ANKRD28: variants seen among roughly 807,000 people sequenced by gnomAD.
The protein encoded by ANKRD28 is serine/threonine-protein phosphatase 6 regulatory ankyrin repeat subunit A.
Under a neutral mutation model 126.5 loss-of-function variants are expected in ANKRD28, and 44 were observed. The observed-to-expected ratio is 0.35, with a 90% CI of 0.27 to 0.45. The LOEUF (loss-of-function observed/expected upper bound fraction) is 0.45, where lower values mean the gene tolerates loss of function less well. ANKRD28 is among the 20% of genes least tolerant of loss of function. The pLI, the probability that ANKRD28 is intolerant of heterozygous loss-of-function variation, is 1.00. For synonymous variants in ANKRD28, 442 were observed against 468.5 expected (o/e 0.94, Z 0.73); for missense variants, 1,110 against 1,316.6 (o/e 0.84, Z 2.43).
At chr3:15,791,107 C>T (rs938941335) in intron 2 of ANKRD28, among the ~76,000 whole-genome samples, 1 of 151,880 alleles carries the variant, frequency 6.6e-6, no homozygotes, top group Non-Finnish European at 1.5e-5. Context: ...CAATAAAACA[C>T]GAATGAAGAA....
chr3:15,832,043 C>T (rs1198733588), intron 1 of ANKRD28, among the ~76,000 whole-genome samples: 1 of 152,102 alleles, frequency 6.6e-6, no homozygotes, highest in Non-Finnish European at 1.5e-5. Context: ...ATTGAGTGTC[C>T]ACTATATGCC....
At chr3:15,761,574 A>T (rs1163032761) in intron 3 of ANKRD28, among the ~76,000 whole-genome samples, 6 of 152,208 alleles carry the variant, frequency 3.9e-5, no homozygotes, top group Non-Finnish European at 5.9e-5. Context: ...GAGCATCTAT[A>T]CAGAACCTTA....
At chr3:15,773,979 C>A (rs2059142338) in intron 2 of ANKRD28, among the ~76,000 whole-genome samples, 1 of 152,058 alleles carries the variant, frequency 6.6e-6, no homozygotes, top group Non-Finnish European at 1.5e-5. Flanking sequence ...GCAGACATGA[C>A]CAGAGCAGAG....
At chr3:15,855,351 C>A (rs548468171) in intron 1 of ANKRD28, among the ~76,000 whole-genome samples, 33 of 150,798 alleles carry the variant, frequency 2.2e-4, no homozygotes, top group Non-Finnish European at 3.4e-4. Flanking sequence ...CAAAACAAAA[C>A]AAAAAAAAAC....
intron 21 of ANKRD28, among the ~76,000 whole-genome samples, chr3:15,681,044 T>C (rs2067487673): frequency 6.6e-6 from 1 of 152,278 alleles, no homozygotes; most frequent in East Asian, 1.9e-4. Context: ...AGGAGAAGTA[T>C]CCAGCCTTGG....
chr3:15,757,141 T>A (rs182991903), intron 3 of ANKRD28, among the ~76,000 whole-genome samples: 2 of 152,356 alleles, frequency 1.3e-5, no homozygotes, highest in African/African-American at 2.4e-5. Context: ...AGTATTTTCA[T>A]TTTATTGCTT....
chr3:15,713,626 C>G lies in ANKRD28; in HGVS notation c.1091G>C (p.Cys364Ser). ...AGGGGTATTTCCATTCTTATCCTCA[C>G]AGTCGATTACAGCTCCTGCAATATA... ...TIIQSGAVID[C>S]EDKNGNTPLH... Residue 364 changes from cysteine to serine, a missense_variant, in exon 10 of 28, where the codon TGT (cysteine) becomes TCT (serine). Coordinates refer to ENST00000683139, the MANE Select transcript of ANKRD28 (RefSeq NM_001349278.2). 6.2e-7 allele frequency: 1 copy of G among 1,605,270 alleles called. No individual in the cohort carries two copies. Among genetic ancestry groups the G allele is most frequent in the African/African-American group, 1.3e-5 (1 of 74,550 alleles).
intron 1 of ANKRD28, among the ~76,000 whole-genome samples, chr3:15,804,601 C>G (rs545726247): frequency 1.4e-5 from 2 of 145,240 alleles, no homozygotes; most frequent in East Asian, 6.0e-4. Context: ...CAATGGCTCA[C>G]GGTGTCCAGG....
At chr3:15,672,857 C>T (rs1217191591) in intron 27 of ANKRD28, among the ~76,000 whole-genome samples, 1 of 152,210 alleles carries the variant, frequency 6.6e-6, no homozygotes, top group East Asian at 1.9e-4. Flanking sequence ...CTCACTGCAA[C>T]TTCTGCCTCC....
At position 15,855,351 on chromosome 3, in the gene ANKRD28, C is replaced by CA. The variant is rs199862683; in HGVS notation, c.27+4025dup. On this transcript the variant is annotated intron_variant, in intron 1 of 27. Transcript: ENST00000399451. ...CCCTGTTTAAAAAAACAAAACAAAA[C>CA]AAAAAAAAACCCAACACCTTAAACA... 1.5e-3 allele frequency among the ~76,000 whole-genome samples: 231 copies of CA among 150,796 alleles called. 1 individual carries two copies. Among genetic ancestry groups the CA allele is most frequent in the African/African-American group, 4.9e-3 (201 of 41,180 alleles).
At chr3:15,735,610 G>T in intron 5 of ANKRD28, 113 bp from the exon 6 acceptor site, 1 of 756,372 alleles carries the variant, frequency 1.3e-6, no homozygotes, top group Non-Finnish European at 2.1e-6. Context: ...TTCTGCAGTT[G>T]CTGAACAGAA....
chr3:15,815,232 T>A lies in ANKRD28; in HGVS notation c.28-19926A>T, dbSNP rs1294177495. Among the ~76,000 whole-genome samples the A allele has an allele frequency of 6.6e-6, 1 of 152,106 alleles. No homozygotes were observed. The highest frequency in any genetic ancestry group is 1.5e-5 in the Non-Finnish European group (1 of 68,014). On this transcript the variant is annotated intron_variant, in intron 1 of 27. Coordinates refer to the ANKRD28 transcript ENST00000399451. This position sits in a 1 kb window ranked among gnomAD's most constrained non-coding sequence, Gnocchi z 4.1. The stretch of plus-strand genomic sequence containing the variant: ...GCCTAAAAAATTATGGAGCCATAAT[T>A]CTCAAGTGCAATGACCTAGAAAGAA...
rs141035425 is a variant in ANKRD28, at chr3:15,822,103, C to T, written c.28-26797G>A. 2.0e-4 allele frequency among the ~76,000 whole-genome samples: 31 copies of T among 152,298 alleles called. No individual in the cohort carries two copies. The East Asian group carries it at 5.6e-3, about 27-fold the overall frequency. On this transcript the variant is annotated intron_variant, in intron 1 of 27. Transcript: ENST00000399451. ...GAAAACCTAGAGGCCACATGCGTGT[C>T]CAGGACTGGCCATATGCTCAGAGAA...
At chr3:15,805,618 A>G (rs1442762438) in intron 1 of ANKRD28, among the ~76,000 whole-genome samples, 2 of 152,204 alleles carry the variant, frequency 1.3e-5, no homozygotes, top group Middle Eastern at 6.3e-3. Context: ...GTTGAGTGCA[A>G]AATTTTTATT....
At chr3:15,805,851 C>T (rs1043990607) in intron 1 of ANKRD28, among the ~76,000 whole-genome samples, 1 of 151,990 alleles carries the variant, frequency 6.6e-6, no homozygotes, top group South Asian at 2.1e-4. Flanking sequence ...AAGGAATTCC[C>T]GAAAGTACAG....
In ANKRD28 at chr3:15,686,329, C is replaced by T; in HGVS notation, c.1964-20G>A. 6.7e-7 allele frequency: 1 copy of T among 1,503,352 alleles called. No homozygotes were observed. The highest frequency in any genetic ancestry group is 2.4e-5 in the East Asian group (1 of 41,956). 93.1% of individuals were successfully genotyped at this position (1,503,352 alleles called of 1,614,324 possible). The stretch of plus-strand genomic sequence containing the variant: ...TTGTTGCTGTAAAGTGAAATTTAAA[C>T]ATTTCAGTAATTACATATAATGATA... On this transcript the variant is annotated intron_variant, in intron 18 of 27. Transcript: ENST00000683139.
At position 15,667,366 on chromosome 3, in the gene ANKRD28, G is replaced by A. The variant is rs577036634; in HGVS notation, c.*2904C>T. 6.6e-6 allele frequency: 1 copy of A among 152,314 alleles called. No individual in the cohort carries two copies. The highest frequency in any genetic ancestry group is 1.9e-4 in the East Asian group (1 of 5,190). The allele number at this position is 152,314 out of a possible 1,614,324, so 9.4% of individuals were successfully genotyped here. A position where few individuals can be genotyped will look rare whatever the true frequency, so the allele number is the denominator to read the frequency against. On this transcript the variant is annotated 3_prime_UTR_variant, in exon 28 of 28. Transcript: ENST00000683139. ...GTTTGAGATGAGTGTCTTGTTAAAG[G>A]AGGTCATTTGCTATTACCACCATTT...
intron 2 of ANKRD28, among the ~76,000 whole-genome samples, chr3:15,777,222 T>C (rs13068582): frequency 0.72 from 107,312 of 148,112 alleles, 38,937 homozygotes; most frequent in East Asian, 0.93. Context: ...TGCAGTGAGC[T>C]GAGATTGCGC....
chr3:15,689,184 C>T (rs1476197335), intron 18 of ANKRD28, among the ~76,000 whole-genome samples: 1 of 152,114 alleles, frequency 6.6e-6, no homozygotes, highest in African/African-American at 2.4e-5. Context: ...TTTGAAGAGC[C>T]AAGCTGACAT....
Sources: gnomAD v4.1 joint callset for allele counts (sites outside exome capture counted in the v4.1 genomes callset) on GRCh38, gnomAD v4.1.1 for gene constraint, Gnocchi (gnomAD v3.1) non-coding constraint, MANE v1.5 for transcripts, NCBI Gene and HGNC (gene_info 2026-07-23, HGNC 2026-07-21) for gene names.